The following CTNND2 variants were observed in gnomAD, a reference collection of about 807,000 sequenced individuals.
CTNND2 encodes catenin delta 2, also known as catenin delta-2.
Under a neutral mutation model 144.4 loss-of-function variants are expected in CTNND2, and 22 were observed. That is an observed-to-expected ratio of 0.15 (90% CI 0.11 to 0.22). The LOEUF (loss-of-function observed/expected upper bound fraction) is 0.22, where lower values mean the gene tolerates loss of function less well. Among genes scored for constraint, CTNND2 ranks in the 10% least tolerant of loss-of-function variants. The pLI, the probability that CTNND2 is intolerant of heterozygous loss-of-function variation, is 1.00. For missense variants in CTNND2, 1,353 were observed against 1,618.8 expected (o/e 0.84, Z 2.82); for synonymous variants, 751 against 695.6 (o/e 1.08, Z -1.25).
chr5:11,841,749 G>T (rs1189303291), intron 1 of CTNND2, among the ~76,000 whole-genome samples: 1 of 151,822 alleles, frequency 6.6e-6, no homozygotes, highest in Non-Finnish European at 1.5e-5. Flanking sequence ...TGAGGAACTG[G>T]ACTATAATGA....
intron 15 of CTNND2, among the ~76,000 whole-genome samples, chr5:11,097,454 G>A (rs995801025): frequency 1.3e-5 from 2 of 152,158 alleles, no homozygotes; most frequent in Non-Finnish European, 2.9e-5. Context: ...GAGAAGAAGT[G>A]GGTCTGGCAT....
intron 1 of CTNND2, among the ~76,000 whole-genome samples, chr5:11,787,865 A>G (rs1201911806): frequency 6.6e-6 from 1 of 152,210 alleles, no homozygotes; most frequent in Non-Finnish European, 1.5e-5. Context: ...TTCTTAATGT[A>G]CTTTTCCTTA....
intron 3 of CTNND2, among the ~76,000 whole-genome samples, chr5:11,558,126 G>A (rs1395711146): frequency 6.6e-6 from 1 of 152,116 alleles, no homozygotes; most frequent in African/African-American, 2.4e-5. Flanking sequence ...AATGGAAAAT[G>A]GTACAAATCT....
intron 2 of CTNND2, among the ~76,000 whole-genome samples, chr5:11,654,510 G>T (rs1782812407): frequency 6.6e-6 from 1 of 151,798 alleles, no homozygotes; most frequent in African/African-American, 2.4e-5. Flanking sequence ...ATTTTTAAAA[G>T]ATTTTCATTA....
At chr5:11,164,674 C>T (rs888989048) in intron 11 of CTNND2, among the ~76,000 whole-genome samples, 2 of 152,174 alleles carry the variant, frequency 1.3e-5, no homozygotes, top group African/African-American at 4.8e-5. Context: ...CATTCTGGAA[C>T]ATTGTTTCCT....
intron 2 of CTNND2, among the ~76,000 whole-genome samples, chr5:11,611,333 C>T (rs1283446738): frequency 6.6e-6 from 1 of 152,192 alleles, no homozygotes; most frequent in Non-Finnish European, 1.5e-5. Flanking sequence ...AATATGAGAA[C>T]AGACTAATAC....
At chr5:11,630,910 T>C (rs1380071120) in intron 2 of CTNND2, among the ~76,000 whole-genome samples, 4 of 151,150 alleles carry the variant, frequency 2.6e-5, no homozygotes, top group Non-Finnish European at 5.9e-5. Flanking sequence ...GCCAAGGTCA[T>C]GCCACTGCAC....
intron 2 of CTNND2, among the ~76,000 whole-genome samples, chr5:11,655,795 G>A (rs1415330227): frequency 1.3e-5 from 2 of 152,020 alleles, no homozygotes; most frequent in Non-Finnish European, 2.9e-5. Context: ...GGTTACCCAG[G>A]AAGTAAACAT....
chr5:11,603,045 T>C (rs1241336371), intron 2 of CTNND2, among the ~76,000 whole-genome samples: 1 of 152,058 alleles, frequency 6.6e-6, no homozygotes, highest in Non-Finnish European at 1.5e-5. Flanking sequence ...AAAATGCTTC[T>C]CAGATTATTC....
chr5:11,898,203 T>C (rs931735385), intron 1 of CTNND2, among the ~76,000 whole-genome samples: 6 of 152,210 alleles, frequency 3.9e-5, no homozygotes, highest in Non-Finnish European at 7.3e-5. Flanking sequence ...TATCCCAACA[T>C]GCTGAGATGG....
At chr5:11,446,207 A>C (rs1561406306) in intron 3 of CTNND2, among the ~76,000 whole-genome samples, 1 of 152,158 alleles carries the variant, frequency 6.6e-6, no homozygotes, top group Non-Finnish European at 1.5e-5. Flanking sequence ...TCCTGACCTC[A>C]AGTGATCCAC....
At chr5:11,684,684 T>C (rs1784565462) in intron 2 of CTNND2, among the ~76,000 whole-genome samples, 2 of 152,184 alleles carry the variant, frequency 1.3e-5, no homozygotes, top group South Asian at 4.1e-4. Flanking sequence ...AGTTTGAAGT[T>C]TGAATGCTGT....
chr5:11,684,881 C>T (rs770062977), intron 2 of CTNND2, among the ~76,000 whole-genome samples: 51 of 152,196 alleles, frequency 3.4e-4, no homozygotes, highest in Non-Finnish European at 6.8e-4. Context: ...CCTTGAACTT[C>T]CTTCCTTAGA....
At chr5:11,405,559 C>A (rs376864892) in intron 5 of CTNND2, among the ~76,000 whole-genome samples, 1 of 150,108 alleles carries the variant, frequency 6.7e-6, no homozygotes, top group Non-Finnish European at 1.5e-5. Flanking sequence ...TCCAGCCTGG[C>A]GACAGAGCAG....
chr5:11,681,204 A>G (rs1581712832), intron 2 of CTNND2, among the ~76,000 whole-genome samples: 1 of 152,202 alleles, frequency 6.6e-6, no homozygotes, highest in African/African-American at 2.4e-5. Context: ...CCAAAGGAGA[A>G]TAACATTTTG....
chr5:11,769,067 T>A (rs373038877), intron 1 of CTNND2, among the ~76,000 whole-genome samples: 1 of 152,154 alleles, frequency 6.6e-6, no homozygotes, highest in Non-Finnish European at 1.5e-5. Flanking sequence ...TCAATATGCA[T>A]CCGAATCTCC....
At chr5:11,826,179 T>C (rs1793589712) in intron 1 of CTNND2, among the ~76,000 whole-genome samples, 1 of 152,042 alleles carries the variant, frequency 6.6e-6, no homozygotes. Flanking sequence ...TTACAACATA[T>C]ATAGGAAAAA....
intron 1 of CTNND2, among the ~76,000 whole-genome samples, chr5:11,784,981 A>C (rs1188001058): frequency 6.6e-6 from 1 of 152,240 alleles, no homozygotes; most frequent in Non-Finnish European, 1.5e-5. Context: ...ATGCAGCAAC[A>C]AATAATTAAT....
intron 7 of CTNND2, among the ~76,000 whole-genome samples, chr5:11,366,447 G>T (rs1756985661): frequency 6.6e-6 from 1 of 152,088 alleles, no homozygotes; most frequent in South Asian, 2.1e-4. Flanking sequence ...CTCTTTGCTG[G>T]TAATTAAATT....
Sources: allele counts gnomAD v4.1 joint callset (sites outside exome capture counted in the v4.1 genomes callset), GRCh38; gene constraint gnomAD v4.1.1; transcripts MANE v1.5; gene names NCBI Gene and HGNC (gene_info 2026-07-23, HGNC 2026-07-21).